The following ZNF451 variants were observed in gnomAD, a reference collection of about 807,000 sequenced individuals.
ZNF451 encodes the protein zinc finger protein 451.
ZNF451 carries 80 observed loss-of-function variants against 107.1 expected under a neutral mutation model. The observed-to-expected ratio is 0.75, with a 90% CI of 0.62 to 0.90. The LOEUF (loss-of-function observed/expected upper bound fraction) is 0.90, where lower values mean the gene tolerates loss of function less well. Among genes scored for constraint, ZNF451 ranks in the 40% least tolerant of loss-of-function variants. The pLI, the probability that ZNF451 is intolerant of heterozygous loss-of-function variation, is 0.00. For missense variants in ZNF451, 1,107 were observed against 1,236.2 expected (o/e 0.90, Z 1.57); for synonymous variants, 362 against 406.5 (o/e 0.89, Z 1.32).
At chr6:57,105,188 T>G in intron 3 of ZNF451, 2 of 985,394 alleles carry the variant, frequency 2.0e-6, no homozygotes, top group Non-Finnish European at 2.4e-6. Flanking sequence ...CTCTAACGTT[T>G]AAATACCTCT....
intron 3 of ZNF451, among the ~76,000 whole-genome samples, chr6:57,111,937 CTTTGTA>C (rs567750338): frequency 9.0e-4 from 137 of 152,252 alleles, no homozygotes; most frequent in South Asian, 2.7e-3. Context: ...GTTCTGTGTA[CTTTGTA>C]TTTGTAAACA....
intron 14 of ZNF451, among the ~76,000 whole-genome samples, chr6:57,168,080 C>T (rs1403810251): frequency 6.6e-6 from 1 of 152,040 alleles, no homozygotes; most frequent in Non-Finnish European, 1.5e-5. Flanking sequence ...TATGTATCAC[C>T]TCAAGTCTTT....
At chr6:57,102,666 G>C in intron 3 of ZNF451, 1 of 985,422 alleles carries the variant, frequency 1.0e-6, no homozygotes, top group Non-Finnish European at 1.2e-6. Context: ...TGAGACTTCA[G>C]AATCAGCCAT....
intron 3 of ZNF451, chr6:57,105,623 G>A (rs572669808): frequency 1.0e-6 from 1 of 985,180 alleles, no homozygotes; most frequent in Non-Finnish European, 1.2e-6. Context: ...TAACTAGACA[G>A]TAGTTCCTTT....
intron 9 of ZNF451, among the ~76,000 whole-genome samples, chr6:57,146,846 A>G (rs1832089335): frequency 6.6e-6 from 1 of 152,180 alleles, no homozygotes; most frequent in Non-Finnish European, 1.5e-5. Flanking sequence ...ATTTGCCTGA[A>G]TTTAAAAAAT....
intron 3 of ZNF451, chr6:57,101,554 C>T: frequency 6.4e-7 from 1 of 1,550,932 alleles, no homozygotes; most frequent in African/African-American, 1.4e-5. Context: ...TAGGTTTTAC[C>T]ACGCTGCCTC....
intron 13 of ZNF451, chr6:57,154,291 T>C: frequency 1.7e-6 from 1 of 591,814 alleles, no homozygotes; most frequent in Non-Finnish European, 3.0e-6. Flanking sequence ...AAATCTATAT[T>C]GATGTATATA....
chr6:57,146,931 A>G (rs1832092641), intron 9 of ZNF451, among the ~76,000 whole-genome samples, 159 bp from the exon 10 acceptor site: 1 of 152,186 alleles, frequency 6.6e-6, no homozygotes, highest in Non-Finnish European at 1.5e-5. Context: ...GTATTTTGAG[A>G]TGATAGAACA....
intron 14 of ZNF451, among the ~76,000 whole-genome samples, chr6:57,167,782 G>T (rs1763961013): frequency 6.6e-6 from 1 of 152,138 alleles, no homozygotes; most frequent in Non-Finnish European, 1.5e-5. Flanking sequence ...CAACTATTGT[G>T]AACCCAATAA....
chr6:57,094,372 G>C (rs1829191478), intron 2 of ZNF451, among the ~76,000 whole-genome samples: 1 of 152,022 alleles, frequency 6.6e-6, no homozygotes, highest in Non-Finnish European at 1.5e-5. Flanking sequence ...GCAGTGGTAT[G>C]ATCATAGCTT....
At chr6:57,096,176 GTTT>G (rs749589304) in intron 2 of ZNF451, among the ~76,000 whole-genome samples, 297 of 58,372 alleles carry the variant, frequency 5.1e-3, no homozygotes, top group African/African-American at 0.02. Context: ...CTTTCTTTCT[GTTT>G]TTTTTTTTTT....
At chr6:57,134,707 T>A in intron 6 of ZNF451, 37 bp from the exon 7 acceptor site, 6 of 1,591,558 alleles carry the variant, frequency 3.8e-6, no homozygotes, top group Non-Finnish European at 5.1e-6. Context: ...GAATGTAGAT[T>A]TATCTAATAT....
At chr6:57,093,561 G>A (rs1306252336) in intron 2 of ZNF451, among the ~76,000 whole-genome samples, 1 of 152,218 alleles carries the variant, frequency 6.6e-6, no homozygotes, top group Admixed American at 6.5e-5. Flanking sequence ...TAGTGTGAAT[G>A]ATGAGATAGG....
chr6:57,139,737 T>C (rs942062524), intron 7 of ZNF451, among the ~76,000 whole-genome samples: 23 of 152,192 alleles, frequency 1.5e-4, no homozygotes, highest in Non-Finnish European at 2.8e-4. Flanking sequence ...TATTTGACTG[T>C]GTCAAATTTA....
chr6:57,097,017 A>G (rs1472459453), intron 2 of ZNF451, among the ~76,000 whole-genome samples: 1 of 151,074 alleles, frequency 6.6e-6, no homozygotes, highest in Non-Finnish European at 1.5e-5. Context: ...TCATCTACCC[A>G]CCTCTGCCTC....
intron 3 of ZNF451, chr6:57,100,588 A>C: frequency 6.8e-7 from 1 of 1,469,260 alleles, no homozygotes. Flanking sequence ...TTTCTTGTTC[A>C]TGTGGATAAC....
At chr6:57,148,866 C>G (rs1279819149) in intron 10 of ZNF451, among the ~76,000 whole-genome samples, 173 bp downstream of exon 10, 1 of 152,064 alleles carries the variant, frequency 6.6e-6, no homozygotes, top group African/African-American at 2.4e-5. Flanking sequence ...TATCCACTTT[C>G]TAAACTTACG....
intron 3 of ZNF451, chr6:57,104,272 C>T: frequency 1.0e-6 from 1 of 985,252 alleles, no homozygotes; most frequent in Non-Finnish European, 1.2e-6. Flanking sequence ...TCAAGCAATC[C>T]CATGTGCTCT....
intron 10 of ZNF451, among the ~76,000 whole-genome samples, chr6:57,149,721 C>T (rs1832256610): frequency 6.6e-6 from 1 of 152,104 alleles, no homozygotes; most frequent in Admixed American, 6.5e-5. Flanking sequence ...TTAGTCATGG[C>T]ATGTTTTCAG....
Sources: allele counts gnomAD v4.1 joint callset (sites outside exome capture counted in the v4.1 genomes callset), GRCh38; gene constraint gnomAD v4.1.1; transcripts MANE v1.5; gene names NCBI Gene and HGNC (gene_info 2026-07-23, HGNC 2026-07-21).